Variants in PDE1C observed in about 807,000 individuals in gnomAD.
The protein encoded by PDE1C is phosphodiesterase 1C, also known as dual specificity calcium/calmodulin-dependent 3',5'-cyclic nucleotide phosphodiesterase 1C.
A neutral mutation model predicts 93.1 loss-of-function variants in PDE1C; 62 were observed. The ratio of observed to expected loss-of-function variants is 0.67; its 90% CI spans 0.54 to 0.82. The LOEUF is 0.82. Among genes scored for constraint, PDE1C ranks in the 40% least tolerant of loss-of-function variants. PDE1C has a pLI of 0.00. For synonymous variants in PDE1C, 325 were observed against 310.1 expected, an observed-to-expected ratio of 1.05 and a Z score of -0.50; for missense variants, 742 against 884.6, an observed-to-expected ratio of 0.84 and a Z score of 2.04.
chr7:32,307,461 C>A (rs28461792), intron 1 of PDE1C, among the ~76,000 whole-genome samples: 7 of 152,092 alleles, frequency 4.6e-5, no homozygotes, highest in African/African-American at 1.7e-4. Context: ...TATGGCCCCA[C>A]TAAACTGCAA....
chr7:31,671,321 C>T, the PDE1C span, among the ~76,000 whole-genome samples: 1 of 152,162 alleles, frequency 6.6e-6, no homozygotes. Context: ...CCCAAAAGTG[C>T]TCACCCTGGC....
chr7:32,163,580 G>T (rs938189713), intron 3 of PDE1C, among the ~76,000 whole-genome samples: 2 of 152,156 alleles, frequency 1.3e-5, no homozygotes, highest in African/African-American at 4.8e-5. Flanking sequence ...TAAGTGGGAA[G>T]AGAAGCTCAC....
intron 3 of PDE1C, among the ~76,000 whole-genome samples, chr7:32,160,751 G>A (rs920007166): frequency 2.6e-4 from 40 of 151,888 alleles, no homozygotes; most frequent in African/African-American, 7.3e-5. Flanking sequence ...CAGAGGTTAC[G>A]GTGAGCTGAG....
chr7:31,823,008 C>T (rs1789168189), intron 14 of PDE1C, 65 bp downstream of exon 14: 2 of 1,345,586 alleles, frequency 1.5e-6, no homozygotes, highest in Non-Finnish European at 2.0e-6. Flanking sequence ...TTGTAACACA[C>T]ATAACTCAGA....
At chr7:31,819,705 G>A (rs568041424) in intron 14 of PDE1C, among the ~76,000 whole-genome samples, 15 of 152,194 alleles carry the variant, frequency 9.9e-5, no homozygotes, top group Non-Finnish European at 1.6e-4. Flanking sequence ...ATGCATGTCC[G>A]TACAGTTTTG....
chr7:31,720,665 TCGTTC>T, the PDE1C span, among the ~76,000 whole-genome samples: 1 of 152,198 alleles, frequency 6.6e-6, no homozygotes, highest in Non-Finnish European at 1.5e-5. Flanking sequence ...CAACAGGGTG[TCGTTC>T]TTGAACAAAT....
At chr7:32,179,724 G>A (rs1285135949) in intron 2 of PDE1C, among the ~76,000 whole-genome samples, 4 of 152,170 alleles carry the variant, frequency 2.6e-5, no homozygotes, top group Non-Finnish European at 2.9e-5. Flanking sequence ...GTGCCTAAGA[G>A]TGGCAGCTTG....
At chr7:31,642,797 A>C in the PDE1C span, 1 of 1,613,886 alleles carries the variant, frequency 6.2e-7, no homozygotes, top group Non-Finnish European at 8.5e-7. Context: ...GATGGGCCAG[A>C]TTCCAAAAGT....
chr7:31,757,441 C>A (rs554327580), intron 17 of PDE1C, among the ~76,000 whole-genome samples: 6 of 152,142 alleles, frequency 3.9e-5, no homozygotes, highest in Admixed American at 3.9e-4. Context: ...AGTTATTCTA[C>A]GAAATCACAC....
rs188136782 is a variant in PDE1C, at chr7:32,347,315, T to C, written c.310+80507A>G. Among the ~76,000 whole-genome samples, 500 of 152,334 alleles carry C rather than the reference T, an allele frequency of 3.3e-3. 3 individuals carry two copies. Among genetic ancestry groups the C allele is most frequent in the African/African-American group, 0.011 (468 of 41,570 alleles). On this transcript the variant is annotated intron_variant, in intron 1 of 1. Transcript: ENST00000672256. ...TGAGTAGTACATGGTATTGATTTTTTTGAGGAATCAAGGAAGAGTGAAACT... is the reference window on the plus strand; with the variant it reads ...TGAGTAGTACATGGTATTGATTTTTCTGAGGAATCAAGGAAGAGTGAAACT...
intron 7 of PDE1C, 182 bp from the exon 8 acceptor site, chr7:31,850,923 T>C (rs1793248031): frequency 1.7e-6 from 1 of 574,474 alleles, no homozygotes; most frequent in African/African-American, 1.9e-5. Context: ...ACTTGTGATT[T>C]GTTAACAATG....
At chr7:32,123,392 G>T (rs1799403697) in intron 3 of PDE1C, among the ~76,000 whole-genome samples, 1 of 149,744 alleles carries the variant, frequency 6.7e-6, no homozygotes, top group Non-Finnish European at 1.5e-5. Flanking sequence ...ACCAAAACCT[G>T]GCAGAGACAC....
chr7:31,793,875 CACT>C (rs1206495548), intron 16 of PDE1C, among the ~76,000 whole-genome samples: 1 of 151,818 alleles, frequency 6.6e-6, no homozygotes, highest in Non-Finnish European at 1.5e-5. Flanking sequence ...ATTATATTTT[CACT>C]ACAAATAATA....
chr7:31,768,852 A>G (rs1795305738), intron 17 of PDE1C, among the ~76,000 whole-genome samples: 1 of 151,948 alleles, frequency 6.6e-6, no homozygotes. Context: ...CTGGAGTTCA[A>G]TGGTACAATC....
At chr7:31,766,166 C>T (rs533372151) in intron 17 of PDE1C, among the ~76,000 whole-genome samples, 3 of 152,158 alleles carry the variant, frequency 2.0e-5, no homozygotes, top group South Asian at 2.1e-4. Context: ...AGGCAGATCA[C>T]GAGGTCAGGA....
intron 2 of PDE1C, among the ~76,000 whole-genome samples, chr7:32,177,606 T>G (rs1803100159): frequency 6.6e-6 from 1 of 152,138 alleles, no homozygotes; most frequent in Non-Finnish European, 1.5e-5. Flanking sequence ...TGGGCCTTAA[T>G]TACCCCAAGA....
the PDE1C span, among the ~76,000 whole-genome samples, chr7:31,697,299 C>T: frequency 1.3e-5 from 2 of 152,158 alleles, no homozygotes; most frequent in Non-Finnish European, 2.9e-5. Context: ...AGTAGCTCCC[C>T]AGGGGCTGAT....
At chr7:32,171,641 CTATT>C (rs1802661512) in intron 2 of PDE1C, among the ~76,000 whole-genome samples, 1 of 150,566 alleles carries the variant, frequency 6.6e-6, no homozygotes, top group Non-Finnish European at 1.5e-5. Flanking sequence ...AATACAATAA[CTATT>C]TATTTAACAT....
At chr7:32,245,584 C>T (rs116417985) in intron 1 of PDE1C, among the ~76,000 whole-genome samples, 4 of 152,182 alleles carry the variant, frequency 2.6e-5, no homozygotes, top group Non-Finnish European at 5.9e-5. Context: ...GCTTATTGAG[C>T]AGTTTATGGC....
Sources: gnomAD v4.1 joint callset for allele counts (sites outside exome capture counted in the v4.1 genomes callset) on GRCh38, gnomAD v4.1.1 for gene constraint, MANE v1.5 for transcripts, NCBI Gene and HGNC (gene_info 2026-07-23, HGNC 2026-07-21) for gene names.